IFT80: variants seen among roughly 807,000 people sequenced by gnomAD.
IFT80 encodes the protein intraflagellar transport protein 80 homolog.
A neutral mutation model predicts 107.9 loss-of-function variants in IFT80; 79 were observed. The ratio of observed to expected loss-of-function variants is 0.73; its 90% CI spans 0.61 to 0.88. The LOEUF is 0.88. IFT80 is among the 40% of genes least tolerant of loss of function. The pLI, the probability that IFT80 is intolerant of heterozygous loss-of-function variation, is 0.00. For synonymous variants in IFT80, 299 were observed against 300.9 expected (o/e 0.99, Z 0.07); for missense variants, 797 against 914.2 (o/e 0.87, Z 1.65).
chr3:160,267,721 T>G (rs1041524355), intron 19 of IFT80, among the ~76,000 whole-genome samples: 1 of 152,126 alleles, frequency 6.6e-6, no homozygotes, highest in Non-Finnish European at 1.5e-5. Flanking sequence ...TGGAATGACT[T>G]CCTTCTTTTT....
chr3:160,318,110 G>C (rs780872623), intron 9 of IFT80, among the ~76,000 whole-genome samples: 2 of 151,756 alleles, frequency 1.3e-5, no homozygotes, highest in Non-Finnish European at 2.9e-5. Flanking sequence ...AAAGTAGATA[G>C]GACATGGACT....
chr3:160,314,070 C>T, intron 9 of IFT80, among the ~76,000 whole-genome samples: 1 of 152,150 alleles, frequency 6.6e-6, no homozygotes, highest in East Asian at 1.9e-4. Flanking sequence ...ATTTGCAAAA[C>T]ACTCATTTAA....
chr3:160,272,481 TTCTC>T (rs920207651), intron 18 of IFT80, among the ~76,000 whole-genome samples: 2 of 152,296 alleles, frequency 1.3e-5, no homozygotes, highest in South Asian at 2.1e-4. Context: ...ATTCAGACTA[TTCTC>T]TCTACTTTTG....
chr3:160,340,219 A>G (rs1171680889), intron 8 of IFT80, among the ~76,000 whole-genome samples: 1 of 152,170 alleles, frequency 6.6e-6, no homozygotes, highest in Non-Finnish European at 1.5e-5. Flanking sequence ...TATCAGTAAG[A>G]AGAAGGTGAA....
chr3:160,290,849 C>T (rs1715502358), intron 12 of IFT80, among the ~76,000 whole-genome samples: 1 of 152,126 alleles, frequency 6.6e-6, no homozygotes, highest in African/African-American at 2.4e-5. Flanking sequence ...AGATGTGAGC[C>T]ACATCTGGCC....
At position 160,300,993 on chromosome 3, in the gene IFT80, C is replaced by T. The variant is rs147955112; in HGVS notation, c.1205G>A (p.Arg402His). Residue 402 changes from arginine to histidine, a missense_variant, in exon 12 of 20, where the codon CGC becomes CAC. Transcript: ENST00000326448. Reference protein sequence around the residue: ...SSIYLYSYEGRFISSPKFPGM... With the variant: ...SSIYLYSYEGHFISSPKFPGM... ...AGGAAATTTTGGAGATGAAATAAAG[C>T]GCCCTTCATATGAATATAAATAGAT... The T allele has an allele frequency of 2.4e-5, 38 of 1,603,054 alleles. No homozygotes were observed. Among genetic ancestry groups the T allele is most frequent in the Admixed American group, 5.0e-5 (3 of 59,414 alleles).
chr3:160,279,086 T>G, intron 16 of IFT80, 107 bp downstream of exon 16: 4 of 824,174 alleles, frequency 4.9e-6, no homozygotes, highest in Non-Finnish European at 7.9e-6. Context: ...AGACATGATC[T>G]TATTCACAAT....
intron 1 of IFT80, among the ~76,000 whole-genome samples, chr3:160,386,303 AAAAGT>A (rs1469644854): frequency 6.6e-6 from 1 of 152,210 alleles, no homozygotes; most frequent in African/African-American, 2.4e-5. Flanking sequence ...GGAATAAAAG[AAAAGT>A]AATGTTAAAA....
chr3:160,394,622 G>A (rs955435137), intron 1 of IFT80, among the ~76,000 whole-genome samples: 1 of 151,990 alleles, frequency 6.6e-6, no homozygotes, highest in Admixed American at 6.6e-5. Flanking sequence ...GGTGGCGGGC[G>A]CCTATAATCC....
At chr3:160,398,221 A>G (rs1287089334) in intron 1 of IFT80, among the ~76,000 whole-genome samples, 1 of 152,170 alleles carries the variant, frequency 6.6e-6, no homozygotes, top group Admixed American at 6.5e-5. Context: ...AACCTCACCA[A>G]ATTCTTACAA....
chr3:160,344,766 T>C (rs1037825376), intron 8 of IFT80, among the ~76,000 whole-genome samples: 1 of 151,946 alleles, frequency 6.6e-6, no homozygotes, highest in Admixed American at 6.6e-5. Flanking sequence ...GATAATATGA[T>C]CAAAAATTGG....
chr3:160,371,660 C>A lies in IFT80; in HGVS notation c.439+4152G>T, dbSNP rs116205718. 7.5e-3 allele frequency among the ~76,000 whole-genome samples: 1,143 copies of A among 152,222 alleles called. 19 individuals are homozygous for A. The highest frequency in any genetic ancestry group is 0.026 in the African/African-American group (1,095 of 41,544). ...GTTTTCCCATGTTGCCCAGGCTGAT[C>A]TCCAGCTCCTGGGCTCAAGTGATCT... On this transcript the variant is annotated intron_variant, in intron 5 of 19. Coordinates refer to ENST00000326448, the MANE Select transcript of IFT80 (RefSeq NM_020800.3).
intron 9 of IFT80, among the ~76,000 whole-genome samples, chr3:160,308,596 A>T (rs529072671): frequency 6.6e-6 from 1 of 152,290 alleles, no homozygotes; most frequent in African/African-American, 2.4e-5. Context: ...TTATACCTAG[A>T]AATTAGTACT....
intron 18 of IFT80, among the ~76,000 whole-genome samples, chr3:160,271,751 C>G (rs1287825814): frequency 1.3e-5 from 2 of 152,012 alleles, no homozygotes; most frequent in Non-Finnish European, 2.9e-5. Flanking sequence ...ATATTAAAAG[C>G]AATCTAATGT....
At chr3:160,314,630 G>A (rs1717657901) in intron 9 of IFT80, among the ~76,000 whole-genome samples, 1 of 152,096 alleles carries the variant, frequency 6.6e-6, no homozygotes, top group Non-Finnish European at 1.5e-5. Flanking sequence ...AGCCTCTAAG[G>A]AAACTGTAAA....
intron 12 of IFT80, among the ~76,000 whole-genome samples, chr3:160,294,340 C>T (rs899194847): frequency 7.9e-5 from 12 of 152,138 alleles, no homozygotes; most frequent in African/African-American, 2.9e-4. Context: ...CCCACCTCAG[C>T]CTCCCAAGTA....
At chr3:160,354,465 C>A (rs2108357882) in intron 8 of IFT80, among the ~76,000 whole-genome samples, 1 of 151,934 alleles carries the variant, frequency 6.6e-6, no homozygotes, top group South Asian at 2.1e-4. Context: ...CTGGCTAACA[C>A]AGTGAAACCC....
chr3:160,383,773 G>C (rs183302574), intron 2 of IFT80: 1 of 985,158 alleles, frequency 1.0e-6, no homozygotes, highest in Non-Finnish European at 1.2e-6. Flanking sequence ...ACAAAATATA[G>C]GGTCATGTGT....
chr3:160,352,892 C>T (rs1720815864), intron 8 of IFT80, among the ~76,000 whole-genome samples: 1 of 152,150 alleles, frequency 6.6e-6, no homozygotes, highest in African/African-American at 2.4e-5. Context: ...TTCAGGCCAA[C>T]GTCATCATTT....
Sources: allele counts gnomAD v4.1 joint callset (sites outside exome capture counted in the v4.1 genomes callset), GRCh38; gene constraint gnomAD v4.1.1; transcripts MANE v1.5; gene names NCBI Gene and HGNC (gene_info 2026-07-23, HGNC 2026-07-21).